IPCEF1: variants seen among roughly 807,000 people sequenced by gnomAD.
IPCEF1 encodes interaction protein for cytohesin exchange factors 1, also known as interactor protein for cytohesin exchange factors 1.
A neutral mutation model predicts 50.9 loss-of-function variants in IPCEF1; 31 were observed. The observed-to-expected ratio is 0.61, with a 90% CI of 0.46 to 0.82. The LOEUF (loss-of-function observed/expected upper bound fraction) is 0.82, where lower values mean the gene tolerates loss of function less well. Among genes scored for constraint, IPCEF1 ranks in the 40% least tolerant of loss-of-function variants. The probability of loss-of-function intolerance (pLI) is 0.00; values close to 1 mark genes in which losing one functional copy is unlikely to be tolerated. For synonymous variants in IPCEF1, 181 were observed against 192.0 expected, an observed-to-expected ratio of 0.94 and a Z score of 0.47; for missense variants, 458 against 514.0, an observed-to-expected ratio of 0.89 and a Z score of 1.05.
intron 5 of IPCEF1, 137 bp from the exon 6 acceptor site, chr6:154,223,380 C>T (rs1328892374): frequency 1.4e-6 from 1 of 694,570 alleles, no homozygotes; most frequent in Admixed American, 2.1e-5. Flanking sequence ...CCTGAATCAC[C>T]ATGGAGGTGT....
In IPCEF1 at chr6:154,288,676, C is replaced by CAAAAAAAAAAAAAAAA. The variant is rs558703057; in HGVS notation, c.-18+1021_-18+1036dup. On this transcript the variant is annotated intron_variant, in intron 2 of 11. Coordinates refer to ENST00000367220, the MANE Select transcript of IPCEF1 (RefSeq NM_001130700.2). ...GACTCTGTCTAAAAAACAAAAAAAA[C>CAAAAAAAAAAAAAAAA]AAAAAAAAAAAAAAAAAAAAAAAAA... Among the ~76,000 whole-genome samples, 22 of 46,840 alleles carry CAAAAAAAAAAAAAAAA rather than the reference C, an allele frequency of 4.7e-4. 1 individual carries two copies. The highest frequency in any genetic ancestry group is 8.4e-4 in the Non-Finnish European group (17 of 20,288). 30.7% of individuals were successfully genotyped at this position (46,840 alleles called of 152,430 possible).
At chr6:154,198,242 G>C (rs1305271126) in intron 10 of IPCEF1, among the ~76,000 whole-genome samples, 1 of 152,108 alleles carries the variant, frequency 6.6e-6, no homozygotes, top group Non-Finnish European at 1.5e-5. Context: ...ACTCAATTCT[G>C]TGCTTCCAAG....
intron 11 of IPCEF1, among the ~76,000 whole-genome samples, chr6:154,160,835 G>A (rs1798950893): frequency 1.3e-5 from 2 of 152,148 alleles, no homozygotes; most frequent in African/African-American, 2.4e-5. Context: ...TGGATATCCA[G>A]TTCAATATAT....
chr6:154,317,396 A>G (rs1432427212), intron 1 of IPCEF1, among the ~76,000 whole-genome samples: 1 of 151,840 alleles, frequency 6.6e-6, no homozygotes, highest in African/African-American at 2.4e-5. Context: ...AAAAATACAA[A>G]AAATTAGCTG....
chr6:154,309,355 C>T (rs1783015415), intron 1 of IPCEF1, among the ~76,000 whole-genome samples: 1 of 152,210 alleles, frequency 6.6e-6, no homozygotes, highest in African/African-American at 2.4e-5. Context: ...AATGCCAGCA[C>T]ACTACCTGAA....
chr6:154,317,707 T>C (rs1289473458), intron 1 of IPCEF1, among the ~76,000 whole-genome samples: 1 of 151,788 alleles, frequency 6.6e-6, no homozygotes, highest in Non-Finnish European at 1.5e-5. Context: ...CCCACTATAA[T>C]GGGAAAAGTC....
intron 1 of IPCEF1, among the ~76,000 whole-genome samples, chr6:154,320,498 T>C (rs1783346258): frequency 6.6e-6 from 1 of 152,208 alleles, no homozygotes; most frequent in Non-Finnish European, 1.5e-5. Flanking sequence ...TTTTAGTGCA[T>C]CTGAGAATTT....
chr6:154,256,587 C>T (rs904766761), intron 3 of IPCEF1, among the ~76,000 whole-genome samples: 2 of 151,062 alleles, frequency 1.3e-5, no homozygotes, highest in Non-Finnish European at 3.0e-5. Context: ...GTGTGTGTGT[C>T]TCTCTCACAC....
chr6:154,271,261 T>C (rs1279197803), intron 2 of IPCEF1, among the ~76,000 whole-genome samples: 1 of 151,456 alleles, frequency 6.6e-6, no homozygotes, highest in Non-Finnish European at 1.5e-5. Context: ...AGTTGGGAGA[T>C]TGAGGCAGGA....
At chr6:154,216,470 A>G (rs1030621980) in intron 7 of IPCEF1, among the ~76,000 whole-genome samples, 2 of 152,232 alleles carry the variant, frequency 1.3e-5, no homozygotes, top group African/African-American at 4.8e-5. Context: ...GATCAAGCAT[A>G]GAATAGTATG....
At chr6:154,193,114 G>A (rs1802080603) in intron 10 of IPCEF1, among the ~76,000 whole-genome samples, 1 of 152,186 alleles carries the variant, frequency 6.6e-6, no homozygotes, top group Admixed American at 6.5e-5. Context: ...TATGGAACCA[G>A]CCCAGATGCC....
Position 154,331,370 on chromosome 6 carries a change from G to GAAAGAAAGAAAGAAAGAAAGAAAGAAA in IPCEF1, c.-62+25301_-62+25302insTTTCTTTCTTTCTTTCTTTCTTTCTTT, listed in dbSNP as rs149419612. On this transcript the variant is annotated intron_variant, in intron 1 of 11. Transcript: ENST00000367220. ...GGGGAAGGAAAGAGAAAGAAAGAAAGGAAAGAAAGAAAGAAAGAAAGAAAG... is the reference window on the plus strand; with the variant it reads ...GGGGAAGGAAAGAGAAAGAAAGAAAGAAAGAAAGAAAGAAAGAAAGAAAGAAAGAAAGAAAGAAAGAAAGAAAGAAAG... Among the ~76,000 whole-genome samples, 181 of 111,978 alleles carry GAAAGAAAGAAAGAAAGAAAGAAAGAAA rather than the reference G, an allele frequency of 1.6e-3. 3 individuals are homozygous for GAAAGAAAGAAAGAAAGAAAGAAAGAAA. Among genetic ancestry groups the GAAAGAAAGAAAGAAAGAAAGAAAGAAA allele is most frequent in the African/African-American group, 4.9e-3 (111 of 22,594 alleles). The allele number at this position is 111,978 out of a possible 152,430, so 73.5% of individuals were successfully genotyped here. A position where few individuals can be genotyped will look rare whatever the true frequency, so the allele number is the denominator to read the frequency against.
chr6:154,168,659 G>C lies in IPCEF1; in HGVS notation c.911-546C>G, dbSNP rs1355290756. ...TTACTGCTGTTGCCCAGGCTAAAGT[G>C]AAATGGCACAATCTTGGCTCACTGA... On this transcript the variant is annotated intron_variant, in intron 10 of 11. Coordinates refer to ENST00000367220, the MANE Select transcript of IPCEF1 (RefSeq NM_001130700.2). This position sits in a 1 kb window ranked among gnomAD's most constrained non-coding sequence, Gnocchi z 4.1. 6.6e-6 allele frequency among the ~76,000 whole-genome samples: 1 copy of C among 151,890 alleles called. No homozygotes were observed. The highest frequency in any genetic ancestry group is 6.6e-5 in the Admixed American group (1 of 15,264).
chr6:154,164,948 GA>G (rs1799310052), intron 11 of IPCEF1, among the ~76,000 whole-genome samples: 1 of 152,152 alleles, frequency 6.6e-6, no homozygotes, highest in Non-Finnish European at 1.5e-5. Flanking sequence ...GAATTTCCCT[GA>G]AGTGCATTCA....
At chr6:154,228,477 C>A (rs528226504) in intron 5 of IPCEF1, among the ~76,000 whole-genome samples, 31 of 152,306 alleles carry the variant, frequency 2.0e-4, no homozygotes, top group Non-Finnish European at 3.2e-4. Flanking sequence ...AAACACGTTC[C>A]TTTTCACTTT....
intron 1 of IPCEF1, among the ~76,000 whole-genome samples, chr6:154,302,564 TC>T (rs1172338283): frequency 2.0e-5 from 3 of 152,112 alleles, no homozygotes; most frequent in Non-Finnish European, 4.4e-5. Context: ...AGCCTCAACA[TC>T]CCAGACTCAA....
At chr6:154,195,887 G>A (rs1776581164) in intron 10 of IPCEF1, among the ~76,000 whole-genome samples, 1 of 151,310 alleles carries the variant, frequency 6.6e-6, no homozygotes, top group Admixed American at 6.6e-5. Context: ...TGCCTCGCAG[G>A]TTCAAGCAAT....
intron 9 of IPCEF1, among the ~76,000 whole-genome samples, chr6:154,206,902 G>A (rs1230890578): frequency 6.6e-6 from 1 of 152,242 alleles, no homozygotes; most frequent in African/African-American, 2.4e-5. Context: ...AGACTGCAAT[G>A]GCAGCCTGAA....
intron 9 of IPCEF1, among the ~76,000 whole-genome samples, chr6:154,202,256 A>C (rs1240487051): frequency 6.6e-6 from 1 of 152,230 alleles, no homozygotes; most frequent in East Asian, 1.9e-4. Context: ...ACATAAAAAA[A>C]ATCCATTCAG....
Sources: allele counts gnomAD v4.1 joint callset (sites outside exome capture counted in the v4.1 genomes callset), GRCh38; gene constraint gnomAD v4.1.1; non-coding constraint Gnocchi (gnomAD v3.1); transcripts MANE v1.5; gene names NCBI Gene and HGNC (gene_info 2026-07-23, HGNC 2026-07-21).